The following ZNF318 variants were observed in gnomAD, a reference collection of about 807,000 sequenced individuals.
ZNF318 encodes the protein endocrine regulator.
A neutral mutation model predicts 124.2 loss-of-function variants in ZNF318; 51 were observed. That is an observed-to-expected ratio of 0.41 (90% CI 0.33 to 0.52). The LOEUF is 0.52. ZNF318 is among the 20% of genes least tolerant of loss of function. The probability of loss-of-function intolerance (pLI) is 0.23; values close to 1 mark genes in which losing one functional copy is unlikely to be tolerated. For synonymous variants in ZNF318, 1,090 were observed against 1,040.7 expected (o/e 1.05, Z -0.91); for missense variants, 2,815 against 2,811.2 (o/e 1.00, Z -0.03).
chr6:43,358,875 C>T (rs531961476), intron 2 of ZNF318, among the ~76,000 whole-genome samples: 1 of 151,622 alleles, frequency 6.6e-6, no homozygotes, highest in Admixed American at 6.5e-5. Context: ...GGTTTTAAAG[C>T]TGTGTTCCAG....
chr6:43,363,988 C>T, intron 2 of ZNF318: 1 of 700,336 alleles, frequency 1.4e-6, no homozygotes, highest in East Asian at 2.7e-5. Flanking sequence ...CGGCTCTGTG[C>T]TGGTGCACCT....
At chr6:43,352,636 G>C (rs1779545778) in intron 4 of ZNF318, among the ~76,000 whole-genome samples, 160 bp from the exon 5 acceptor site, 1 of 152,330 alleles carries the variant, frequency 6.6e-6, no homozygotes, top group Non-Finnish European at 1.5e-5. Context: ...TTCGTTCTAA[G>C]TTCCAGAATA....
At chr6:43,359,106 A>G (rs1365511831) in intron 2 of ZNF318, among the ~76,000 whole-genome samples, 2 of 152,234 alleles carry the variant, frequency 1.3e-5, no homozygotes, top group African/African-American at 4.8e-5. Flanking sequence ...TTCTCATAAG[A>G]TTTAGAAGGT....
chr6:43,352,105 C>T (rs1165709593), intron 5 of ZNF318, among the ~76,000 whole-genome samples: 2 of 152,180 alleles, frequency 1.3e-5, no homozygotes, highest in African/African-American at 2.4e-5. Flanking sequence ...AATCACACCA[C>T]TTCACTCCAG....
chr6:43,360,473 T>A (rs1040557602), intron 2 of ZNF318, among the ~76,000 whole-genome samples: 1 of 152,230 alleles, frequency 6.6e-6, no homozygotes, highest in Non-Finnish European at 1.5e-5. Context: ...TAAGTTCAAC[T>A]GTTTTCTAAA....
chr6:43,343,284 C>G (rs1041280516), intron 6 of ZNF318, among the ~76,000 whole-genome samples: 2 of 152,104 alleles, frequency 1.3e-5, no homozygotes, highest in Non-Finnish European at 2.9e-5. Context: ...ATTTGAAAAT[C>G]ATGACAGCTA....
chr6:43,359,284 T>G (rs1389240356), intron 2 of ZNF318, among the ~76,000 whole-genome samples: 2 of 152,288 alleles, frequency 1.3e-5, no homozygotes, highest in East Asian at 1.9e-4. Flanking sequence ...TTTATTTCAT[T>G]AAATACAAAG....
chr6:43,343,416 G>A (rs1301212912), intron 6 of ZNF318, among the ~76,000 whole-genome samples: 1 of 151,968 alleles, frequency 6.6e-6, no homozygotes, highest in Non-Finnish European at 1.5e-5. Flanking sequence ...GAGAAGGGTT[G>A]GTGTACATAG....
chr6:43,352,256 T>TCACCACCATCATCTGGGAGAAG (rs1554194964), intron 5 of ZNF318, 121 bp downstream of exon 5: 26 of 723,828 alleles, frequency 3.6e-5, no homozygotes, highest in Middle Eastern at 2.5e-4. Flanking sequence ...TTTGTAAGTT[T>TCACCACCATCATCTGGGAGAAG]AATTACGTCA....
Position 43,339,047 on chromosome 6 carries a change from C to T in ZNF318, c.4951G>A (p.Val1651Met). 6.2e-7 allele frequency: 1 copy of T among 1,614,172 alleles called. No individual in the cohort carries two copies. The highest frequency in any genetic ancestry group is 1.3e-5 in the African/African-American group (1 of 75,044). Residue 1651 changes from valine to methionine, a missense_variant, in exon 10 of 10, where the codon GTG (valine) becomes ATG (methionine). By Grantham distance (21) the Val-to-Met change is conservative. Coordinates refer to ENST00000361428, the MANE Select transcript of ZNF318 (RefSeq NM_014345.3). The surrounding 1 kb of genome is among the most constrained non-coding windows in gnomAD (Gnocchi z 4.2). ...ACAACTGACCATTTCCCTAGGGCCA[C>T]CAGAGTTTTTGCAATGGGCTTTTCA... ...NSEKPIAKTL[V>M]ALGKWSVVEH...
chr6:43,349,280 TC>T (rs1266811269), intron 5 of ZNF318, among the ~76,000 whole-genome samples: 1 of 152,152 alleles, frequency 6.6e-6, no homozygotes, highest in East Asian at 1.9e-4. Flanking sequence ...TGTCCTCTCT[TC>T]AGAGGGCTGA....
At chr6:43,357,014 G>T in intron 3 of ZNF318, 112 bp downstream of exon 3, 4 of 1,298,296 alleles carry the variant, frequency 3.1e-6, no homozygotes, top group Non-Finnish European at 3.1e-6. Context: ...CACAATGTCG[G>T]TCCAGCACAT....
At position 43,336,243 on chromosome 6, in the gene ZNF318, T is replaced by G. The variant is rs1779277745; in HGVS notation, c.*915A>C. 1 of 152,616 alleles carries G rather than the reference T, an allele frequency of 6.6e-6. No homozygotes were observed. The highest frequency in any genetic ancestry group is 2.1e-4 in the South Asian group (1 of 4,836). The allele number at this position is 152,616 out of a possible 1,614,324, so 9.5% of individuals were successfully genotyped here. A position where few individuals can be genotyped will look rare whatever the true frequency, so the allele number is the denominator to read the frequency against. On this transcript the variant is annotated 3_prime_UTR_variant, in exon 10 of 10. Coordinates refer to ENST00000361428, the MANE Select transcript of ZNF318 (RefSeq NM_014345.3). The stretch of plus-strand genomic sequence containing the variant: ...GTAGAGGAAAGGATACATATGGGTT[T>G]GTGGAACAGGGAATGAGTTCAATCT...
In ZNF318 at chr6:43,339,445, G is replaced by A; in HGVS notation, c.4553C>T (p.Thr1518Ile). 12 of 1,614,028 alleles carry A rather than the reference G, an allele frequency of 7.4e-6. No individual in the cohort carries two copies. Among genetic ancestry groups the A allele is most frequent in the Non-Finnish European group, 1.0e-5 (12 of 1,180,008 alleles). The change falls in exon 10 of 10, where the codon ACA becomes ATA. Residue 1518 changes from threonine to isoleucine, a missense_variant. Coordinates refer to ENST00000361428, the MANE Select transcript of ZNF318 (RefSeq NM_014345.3). The surrounding 1 kb of genome is among the most constrained non-coding windows in gnomAD (Gnocchi z 4.2). The stretch of plus-strand genomic sequence containing the variant: ...GTCACTCTCACTCACCCCAGGAGCT[G>A]TCTCATCAGAAGGAATGGCAGCTGG... ...AQPAAIPSDE[T>I]APGVSESDRD...
rs750143835 is a variant in ZNF318, at chr6:43,342,811, G to A, written c.3141C>T (p.Ala1047=). ...CAGTGGGCTGATCCAACTGCTTAGT[G>A]GCTGACTGGGGGCTTTCGGCAGGCT... ...SPKPAESPQS[A]TKQLDQPTAA... The change falls in exon 7 of 10, where the codon GCC becomes GCT. Residue 1047 remains alanine (A), a synonymous_variant. Coordinates refer to ENST00000361428, the MANE Select transcript of ZNF318 (RefSeq NM_014345.3). The A allele has an allele frequency of 6.2e-7, 1 of 1,614,100 alleles. No homozygotes were observed. The highest frequency in any genetic ancestry group is 8.5e-7 in the Non-Finnish European group (1 of 1,180,014).
intron 1 of ZNF318, among the ~76,000 whole-genome samples, chr6:43,367,017 A>C (rs9394948): frequency 0.46 from 70,508 of 151,824 alleles, 19,373 homozygotes; most frequent in East Asian, 0.66. Context: ...AAGCCCGACT[A>C]ATTATTGTAT....
chr6:43,364,987 C>T (rs188713729), intron 2 of ZNF318, among the ~76,000 whole-genome samples: 5 of 152,330 alleles, frequency 3.3e-5, no homozygotes, highest in African/African-American at 9.6e-5. Context: ...AGAATCTATA[C>T]CATCTCAACT....
chr6:43,338,223 A>C lies in ZNF318; in HGVS notation c.5775T>G (p.Ala1925=). 2 of 1,614,110 alleles carry C rather than the reference A, an allele frequency of 1.2e-6. No homozygotes were observed. Residue 1925 remains alanine (A), a synonymous_variant, in exon 10 of 10, where the codon GCT becomes GCG. Transcript: ENST00000361428. ...TAGAAGTTCTAGAAGCTGATTCTGG[A>C]GCTGAATTCTCTAGCCCCTCCTCAC... The part of the protein sequence containing the change: ...VVSEEGLENS[A]PESASRTSRY...
rs1779478098 is a variant in ZNF318 at position 43,348,401 on chromosome 6, T to C, written c.2995A>G (p.Thr999Ala). The change falls in exon 6 of 10, where the codon ACA becomes GCA. Residue 999 changes from threonine (T) to alanine (A), a missense_variant. By Grantham distance (58) the Thr-to-Ala change is moderately conservative (BLOSUM62 0). This residue lies in a region of ZNF318 where 1,377 missense variants were observed against 1,353.5 expected (regional missense o/e 1.02). Coordinates refer to ENST00000361428, the MANE Select transcript of ZNF318 (RefSeq NM_014345.3). Reference protein sequence around the residue: ...QKSLSDSREPTEKPGKAEKSK... With the variant: ...QKSLSDSREPAEKPGKAEKSK... Reference sequence around the variant, plus strand: ...TTTTCTGCTTTCCCAGGCTTCTCTGTAGGCTCTCTACTGTCACTTAAAGAC... The same window carrying C: ...TTTTCTGCTTTCCCAGGCTTCTCTGCAGGCTCTCTACTGTCACTTAAAGAC... The C allele has an allele frequency of 1.2e-6, 2 of 1,614,204 alleles. No homozygotes were observed. Among genetic ancestry groups the C allele is most frequent in the Non-Finnish European group, 1.7e-6 (2 of 1,180,024 alleles).
Sources: allele counts gnomAD v4.1 joint callset (sites outside exome capture counted in the v4.1 genomes callset), GRCh38; gene constraint gnomAD v4.1.1; regional missense constraint gnomAD v4.1.1; non-coding constraint Gnocchi (gnomAD v3.1); transcripts MANE v1.5; gene names NCBI Gene and HGNC (gene_info 2026-07-23, HGNC 2026-07-21).